RTRAF: variants seen among roughly 807,000 people sequenced by gnomAD.
RTRAF encodes the protein RNA transcription, translation and transport factor.
RTRAF carries 14 observed loss-of-function variants against 34.4 expected under a neutral mutation model. The observed-to-expected ratio is 0.41, with a 90% CI of 0.27 to 0.64. The LOEUF is 0.64. Ranked by LOEUF, RTRAF falls within the 30% of genes least tolerant of loss-of-function variation. The pLI, the probability that RTRAF is intolerant of heterozygous loss-of-function variation, is 0.34. For synonymous variants in RTRAF, 96 were observed against 95.3 expected, an observed-to-expected ratio of 1.01 and a Z score of -0.04; for missense variants, 291 against 288.4, an observed-to-expected ratio of 1.01 and a Z score of -0.06.
Position 51,991,391 on chromosome 14 carries a change from G to A in RTRAF, c.136G>A (p.Gly46Arg). 1 of 1,613,556 alleles carries A rather than the reference G, an allele frequency of 6.2e-7. No individual in the cohort carries two copies. Among genetic ancestry groups the A allele is most frequent in the Non-Finnish European group, 8.5e-7 (1 of 1,179,592 alleles). Reference protein sequence around the residue: ...KIRHYKIEDRGNLRNIHSSDW... With the variant: ...KIRHYKIEDRRNLRNIHSSDW... ...CAGGCACTACAAGATTGAAGACAGA[G>A]GGAATTTAAGAAACATCCACAGCAG... Residue 46 changes from glycine (G) to arginine (R), a missense_variant, in exon 2 of 8, where the codon GGG becomes AGG. By Grantham distance (125) the Gly-to-Arg change is moderately radical (BLOSUM62 -2). Transcript: ENST00000261700.
chr14:52,009,190 T>C lies in RTRAF; in HGVS notation c.*4674T>C, dbSNP rs980741409. On this transcript the variant is annotated 3_prime_UTR_variant, in exon 8 of 8. Transcript: ENST00000261700. ...GCAGAGAGAAGCTGAGAGCAAAAGC[T>C]AGAAAGCAGTTTCCACTTTGCGCTA... The C allele has an allele frequency of 2.6e-5, 4 of 152,196 alleles. No individual in the cohort carries two copies. Among genetic ancestry groups the C allele is most frequent in the African/African-American group, 9.6e-5 (4 of 41,452 alleles). The allele number at this position is 152,196 out of a possible 1,614,324, so 9.4% of individuals were successfully genotyped here. A position where few individuals can be genotyped will look rare whatever the true frequency, so the allele number is the denominator to read the frequency against.
chr14:52,008,495 C>T lies in RTRAF; in HGVS notation c.*3979C>T, dbSNP rs1277079446. On this transcript the variant is annotated 3_prime_UTR_variant, in exon 8 of 8. Transcript: ENST00000261700. Reference sequence around the variant, plus strand: ...AACTGTGAGACTAAATGTTATCTTACACTGCTGAGGGTTTGGGCAATTTCT... The same window carrying T: ...AACTGTGAGACTAAATGTTATCTTATACTGCTGAGGGTTTGGGCAATTTCT... 6.6e-6 allele frequency: 1 copy of T among 152,532 alleles called. No individual in the cohort carries two copies. Among genetic ancestry groups the T allele is most frequent in the Non-Finnish European group, 1.5e-5 (1 of 68,290 alleles). The allele number at this position is 152,532 out of a possible 1,614,324, so 9.4% of individuals were successfully genotyped here. A position where few individuals can be genotyped will look rare whatever the true frequency, so the allele number is the denominator to read the frequency against.
chr14:51,990,122 C>T (rs529115966), intron 1 of RTRAF, among the ~76,000 whole-genome samples: 2 of 152,218 alleles, frequency 1.3e-5, no homozygotes, highest in African/African-American at 2.4e-5. Flanking sequence ...CACTGCCTGC[C>T]AGGAGCTAAA....
rs913581786 is a variant in RTRAF, at chr14:52,007,062, T to G, written c.*2546T>G. The G allele has an allele frequency of 3.8e-5, 6 of 156,546 alleles. No individual in the cohort carries two copies. Among genetic ancestry groups the G allele is most frequent in the African/African-American group, 1.4e-4 (6 of 41,476 alleles). 9.7% of individuals were successfully genotyped at this position (156,546 alleles called of 1,614,324 possible). A position where few individuals can be genotyped will look rare whatever the true frequency, so the allele number is the denominator to read the frequency against. The stretch of plus-strand genomic sequence containing the variant: ...AAAATCCTTAGTATTTTTAAAATAT[T>G]TTCTAGGTAGGAGGAAAAAAGTGAC... On this transcript the variant is annotated 3_prime_UTR_variant, in exon 8 of 8. Transcript: ENST00000261700.
Position 52,006,392 on chromosome 14 carries a change from T to C in RTRAF, c.*1876T>C, listed in dbSNP as rs918171480. The stretch of plus-strand genomic sequence containing the variant: ...AAGGATGAAAAACATCCTTGAAGGA[T>C]CTTATCTGCCAATGAGGAGGTGATG... On this transcript the variant is annotated 3_prime_UTR_variant, in exon 8 of 8. Transcript: ENST00000261700. 1.2e-6 allele frequency: 1 copy of C among 813,698 alleles called. No individual in the cohort carries two copies. The highest frequency in any genetic ancestry group is 2.0e-6 in the Non-Finnish European group (1 of 507,264). 50.4% of individuals were successfully genotyped at this position (813,698 alleles called of 1,614,324 possible).
At chr14:52,003,663 CTGTT>C (rs147137125) in intron 6 of RTRAF, among the ~76,000 whole-genome samples, 1,619 of 152,198 alleles carry the variant, frequency 0.011, 28 homozygotes, top group African/African-American at 0.037. Context: ...TTTTCCTAGA[CTGTT>C]TGTTTCAAAG....
chr14:51,996,175 A>C (rs1291082358), intron 3 of RTRAF, among the ~76,000 whole-genome samples: 2 of 152,102 alleles, frequency 1.3e-5, no homozygotes, highest in Non-Finnish European at 2.9e-5. Context: ...TAAATTTTTC[A>C]ATATTGAAAA....
Position 52,008,006 on chromosome 14 carries a change from G to A in RTRAF, c.*3490G>A. On this transcript the variant is annotated 3_prime_UTR_variant, in exon 8 of 8. Coordinates refer to ENST00000261700, the MANE Select transcript of RTRAF (RefSeq NM_016039.3). ...ATCAAGATTGTAAAAGAATAGCCAT[G>A]TAGCCTGTGGTAGGCAGCATCTAAG... The A allele has an allele frequency of 1.9e-6, 3 of 1,538,990 alleles. No individual in the cohort carries two copies. Among genetic ancestry groups the A allele is most frequent in the South Asian group, 2.4e-5 (2 of 82,660 alleles).
intron 5 of RTRAF, among the ~76,000 whole-genome samples, chr14:52,000,541 TTG>T (rs1215995721): frequency 3.3e-5 from 5 of 152,158 alleles, no homozygotes; most frequent in African/African-American, 1.2e-4. Flanking sequence ...GTAAACTACT[TTG>T]TGATAAATAT....
chr14:51,994,716 A>G (rs971041743), intron 3 of RTRAF, among the ~76,000 whole-genome samples: 5 of 152,190 alleles, frequency 3.3e-5, no homozygotes, highest in Non-Finnish European at 5.9e-5. Flanking sequence ...TATTCATATT[A>G]ATAAACATAC....
chr14:51,996,268 A>C (rs1158491914), intron 3 of RTRAF, among the ~76,000 whole-genome samples: 1 of 152,162 alleles, frequency 6.6e-6, no homozygotes, highest in African/African-American at 2.4e-5. Context: ...TGTTTATTAA[A>C]ATTCAGAATT....
At chr14:51,994,627 A>C (rs1464882113) in intron 3 of RTRAF, among the ~76,000 whole-genome samples, 2 of 152,184 alleles carry the variant, frequency 1.3e-5, no homozygotes, top group African/African-American at 4.8e-5. Context: ...TGCATGGCCA[A>C]CCAAGCTAAC....
At chr14:51,995,214 A>G (rs778990080) in intron 3 of RTRAF, among the ~76,000 whole-genome samples, 17 of 151,966 alleles carry the variant, frequency 1.1e-4, no homozygotes, top group Admixed American at 9.8e-4. Context: ...TTATTTTAGA[A>G]TGAGAAGGCC....
intron 6 of RTRAF, 78 bp downstream of exon 6, chr14:52,001,944 A>G: frequency 8.1e-7 from 1 of 1,236,408 alleles, no homozygotes; most frequent in Non-Finnish European, 1.1e-6. Context: ...CTTTGCATGT[A>G]TCTGTTTAAG....
intron 6 of RTRAF, among the ~76,000 whole-genome samples, chr14:52,003,276 T>G (rs545482703): frequency 2.6e-5 from 4 of 152,278 alleles, no homozygotes; most frequent in Admixed American, 2.6e-4. Flanking sequence ...GAAAAAAAAG[T>G]GGAGCCTCTG....
At chr14:51,989,846 C>G in intron 1 of RTRAF, 146 bp downstream of exon 1, 1 of 704,766 alleles carries the variant, frequency 1.4e-6, no homozygotes, top group Non-Finnish European at 2.3e-6. Context: ...TGGGTCGCCA[C>G]GTACCTCGGC....
chr14:52,003,906 G>A, intron 6 of RTRAF: 1 of 356,340 alleles, frequency 2.8e-6, no homozygotes, highest in Admixed American at 4.5e-5. Context: ...ACAAGGCACT[G>A]CTGCAATAAG....
rs1049554446 is a variant in RTRAF at position 52,006,504 on chromosome 14, T to A, written c.*1988T>A. ...GGTGTGTCCTCTGGAACAGTTGGCCTTTTCAGGCTTGTCCAGAATTTGTGG... is the reference window on the plus strand; with the variant it reads ...GGTGTGTCCTCTGGAACAGTTGGCCATTTCAGGCTTGTCCAGAATTTGTGG... On this transcript the variant is annotated 3_prime_UTR_variant, in exon 8 of 8. Transcript: ENST00000261700. 1 of 1,611,352 alleles carries A rather than the reference T, an allele frequency of 6.2e-7. No homozygotes were observed. The highest frequency in any genetic ancestry group is 1.3e-5 in the African/African-American group (1 of 74,860).
At position 52,004,506 on chromosome 14, in the gene RTRAF, T is replaced by G; in HGVS notation, c.725T>G (p.Val242Gly). The G allele has an allele frequency of 3.7e-6, 6 of 1,613,058 alleles. No individual in the cohort carries two copies. Among genetic ancestry groups the G allele is most frequent in the Non-Finnish European group, 5.1e-6 (6 of 1,179,716 alleles). ...AAGACAGACCACAGACTGGGAAAAG[T>G]TGGAAGATGAACACTTGAGGACTTC... The part of the protein sequence containing the change: ...DPKTDHRLGK[V>G]GR Residue 242 changes from valine (V) to glycine (G), a missense_variant, in exon 8 of 8, where the codon GTT (valine) becomes GGT (glycine). Transcript: ENST00000261700.
Sources: gnomAD v4.1 joint callset for allele counts (sites outside exome capture counted in the v4.1 genomes callset) on GRCh38, gnomAD v4.1.1 for gene constraint, MANE v1.5 for transcripts, NCBI Gene and HGNC (gene_info 2026-07-23, HGNC 2026-07-21) for gene names.